Variants in ZNF385D observed in about 807,000 individuals in gnomAD.
ZNF385D encodes zinc finger protein 385D, also known as zinc finger protein 659.
Under a neutral mutation model 35.8 loss-of-function variants are expected in ZNF385D, and 15 were observed. The observed-to-expected ratio is 0.42, with a 90% confidence interval of 0.28 to 0.64. ZNF385D has a LOEUF of 0.64. Among genes scored for constraint, ZNF385D ranks in the 30% least tolerant of loss-of-function variants. The pLI is 0.23. For missense variants in ZNF385D, 474 were observed against 494.6 expected, an observed-to-expected ratio of 0.96 and a Z score of 0.39; for synonymous variants, 212 against 186.8, an observed-to-expected ratio of 1.13 and a Z score of -1.10.
At chr3:21,514,217 C>T (rs993095613) in intron 3 of ZNF385D, among the ~76,000 whole-genome samples, 3 of 152,052 alleles carry the variant, frequency 2.0e-5, no homozygotes, top group African/African-American at 7.2e-5. Flanking sequence ...GTCGTCATTG[C>T]CAGACACCTG....
At chr3:21,969,903 A>C (rs1261229706) in intron 3 of ZNF385D, among the ~76,000 whole-genome samples, 1 of 152,194 alleles carries the variant, frequency 6.6e-6, no homozygotes, top group Non-Finnish European at 1.5e-5. Flanking sequence ...GAGCAGAACA[A>C]GAGTCTCTGC....
At chr3:21,946,580 C>T (rs1701796798) in intron 3 of ZNF385D, among the ~76,000 whole-genome samples, 1 of 152,086 alleles carries the variant, frequency 6.6e-6, no homozygotes, top group African/African-American at 2.4e-5. Context: ...ACCTGTAATC[C>T]CAGAACTTTG....
intron 3 of ZNF385D, among the ~76,000 whole-genome samples, chr3:22,098,564 T>A (rs1003666871): frequency 6.6e-6 from 1 of 152,002 alleles, no homozygotes; most frequent in Admixed American, 6.6e-5. Flanking sequence ...CAACAGCAAG[T>A]AGAGGATTTT....
intron 2 of ZNF385D, among the ~76,000 whole-genome samples, chr3:22,178,726 A>T (rs1432894156): frequency 6.6e-6 from 1 of 152,208 alleles, no homozygotes; most frequent in Non-Finnish European, 1.5e-5. Flanking sequence ...TAGGTCTAAC[A>T]TGTAAGTCTT....
At position 21,461,528 on chromosome 3, in the gene ZNF385D, A is replaced by G. The variant is rs138704097; in HGVS notation, c.440-24325T>C. On this transcript the variant is annotated intron_variant, in intron 4 of 7. Coordinates refer to ENST00000281523, the MANE Select transcript of ZNF385D (RefSeq NM_024697.3). ...GTGCCACTGCACTCCAGCCTGGGCA[A>G]TGGAGCTAGACTCTATCTCAAAAAC... is the stretch of plus-strand genomic sequence containing the variant. 2.6e-5 allele frequency among the ~76,000 whole-genome samples: 4 copies of G among 152,326 alleles called. No homozygotes were observed. In the East Asian group the frequency reaches 5.8e-4, roughly 22 times the overall value.
chr3:22,037,725 T>G (rs1323834739), intron 3 of ZNF385D, among the ~76,000 whole-genome samples: 1 of 152,174 alleles, frequency 6.6e-6, no homozygotes, highest in Non-Finnish European at 1.5e-5. Flanking sequence ...AGATCCCATT[T>G]GTCAATTTTG....
intron 2 of ZNF385D, among the ~76,000 whole-genome samples, chr3:22,303,105 C>T (rs757233831): frequency 2.0e-5 from 3 of 152,070 alleles, no homozygotes; most frequent in East Asian, 3.8e-4. Flanking sequence ...AAGAAACTGC[C>T]ATTTTCCATC....
chr3:21,844,890 G>A (rs765982086), intron 3 of ZNF385D, among the ~76,000 whole-genome samples: 1 of 151,902 alleles, frequency 6.6e-6, no homozygotes, highest in Non-Finnish European at 1.5e-5. Context: ...TAATTTAAGA[G>A]ATCTTGGTGG....
chr3:22,288,712 T>A (rs893010286), intron 2 of ZNF385D, among the ~76,000 whole-genome samples: 1 of 152,152 alleles, frequency 6.6e-6, no homozygotes, highest in Non-Finnish European at 1.5e-5. Flanking sequence ...TATCTCCATA[T>A]CCTTATTTTT....
At chr3:21,918,121 T>C (rs2125921772) in intron 3 of ZNF385D, among the ~76,000 whole-genome samples, 1 of 152,344 alleles carries the variant, frequency 6.6e-6, no homozygotes, top group East Asian at 1.9e-4. Context: ...GAGAATACAC[T>C]AGGCACTAAA....
intron 3 of ZNF385D, among the ~76,000 whole-genome samples, chr3:22,120,008 T>G (rs1703006608): frequency 6.6e-6 from 1 of 151,092 alleles, no homozygotes; most frequent in Non-Finnish European, 1.5e-5. Flanking sequence ...TTTTTTTTTT[T>G]TGGTAGAAAC....
intron 3 of ZNF385D, among the ~76,000 whole-genome samples, chr3:22,088,691 T>C (rs577139420): frequency 6.7e-6 from 1 of 149,700 alleles, no homozygotes; most frequent in African/African-American, 2.5e-5. Flanking sequence ...TAGAAGCTAC[T>C]GTGCCATTAA....
chr3:21,687,902 GT>G (rs953588009), intron 1 of ZNF385D, among the ~76,000 whole-genome samples: 4 of 147,586 alleles, frequency 2.7e-5, no homozygotes, highest in Admixed American at 6.8e-5. Flanking sequence ...AACAAAATCT[GT>G]TTTTTTTTTA....
At chr3:21,588,216 A>T (rs1329157265) in intron 2 of ZNF385D, among the ~76,000 whole-genome samples, 4 of 152,120 alleles carry the variant, frequency 2.6e-5, no homozygotes, top group African/African-American at 9.7e-5. Flanking sequence ...GTTGTTGGGG[A>T]TGGGTCATAA....
intron 2 of ZNF385D, among the ~76,000 whole-genome samples, chr3:21,577,465 AAC>A (rs1473417488): frequency 2.0e-5 from 3 of 152,310 alleles, no homozygotes; most frequent in African/African-American, 7.2e-5. Context: ...TACTGCGATA[AAC>A]ACAGGAGTAC....
chr3:21,945,489 T>C (rs1701737018), intron 3 of ZNF385D, among the ~76,000 whole-genome samples: 1 of 152,188 alleles, frequency 6.6e-6, no homozygotes, highest in Admixed American at 6.5e-5. Context: ...AAACTTAATT[T>C]CAATTTCTGT....
chr3:22,324,464 G>A (rs1335503055), intron 2 of ZNF385D, among the ~76,000 whole-genome samples: 1 of 152,012 alleles, frequency 6.6e-6, no homozygotes, highest in African/African-American at 2.4e-5. Flanking sequence ...TCCATTTATA[G>A]TAGCAACACA....
chr3:22,131,045 C>A (rs1378306363), intron 3 of ZNF385D, among the ~76,000 whole-genome samples: 4 of 151,886 alleles, frequency 2.6e-5, no homozygotes, highest in Non-Finnish European at 4.4e-5. Context: ...TTATGACATT[C>A]GGAGAAAATC....
At chr3:21,425,347 G>T in intron 6 of ZNF385D, 145 bp downstream of exon 6, 1 of 709,730 alleles carries the variant, frequency 1.4e-6, no homozygotes, top group African/African-American at 1.8e-5. Flanking sequence ...AAGATAAGTG[G>T]GTTAACAGAT....
Sources: allele counts gnomAD v4.1 joint callset (sites outside exome capture counted in the v4.1 genomes callset), GRCh38; gene constraint gnomAD v4.1.1; transcripts MANE v1.5; gene names NCBI Gene and HGNC (gene_info 2026-07-23, HGNC 2026-07-21).